PAPPA2: variants seen among roughly 807,000 people sequenced by gnomAD.
The protein encoded by PAPPA2 is pappalysin 2, also known as pappalysin-2.
PAPPA2 carries 86 observed loss-of-function variants against 176.4 expected under a neutral mutation model. The ratio of observed to expected loss-of-function variants is 0.49; its 90% CI spans 0.41 to 0.58. The LOEUF (loss-of-function observed/expected upper bound fraction) is 0.58. Ranked by LOEUF, PAPPA2 falls within the 20% of genes least tolerant of loss-of-function variation. The pLI is 0.00. For synonymous variants in PAPPA2, 809 were observed against 852.2 expected, an observed-to-expected ratio of 0.95 and a Z score of 0.88; for missense variants, 2,073 against 2,256.9, an observed-to-expected ratio of 0.92 and a Z score of 1.65.
chr1:176,489,004 T>G (rs1652776102), intron 1 of PAPPA2, among the ~76,000 whole-genome samples: 1 of 152,146 alleles, frequency 6.6e-6, no homozygotes, highest in Non-Finnish European at 1.5e-5. Flanking sequence ...TATAATAAGG[T>G]TGGGGTACAT....
intron 12 of PAPPA2, among the ~76,000 whole-genome samples, chr1:176,724,342 G>A (rs1158222296): frequency 2.0e-5 from 3 of 152,042 alleles, no homozygotes; most frequent in Non-Finnish European, 2.9e-5. Context: ...AGAAACAGAA[G>A]GCATAATTCT....
chr1:176,655,028 G>T lies in PAPPA2; in HGVS notation c.1992-15942G>T, dbSNP rs573256475. Among the ~76,000 whole-genome samples the T allele has an allele frequency of 1.4e-3, 219 of 151,802 alleles. 1 individual carries two copies. The highest frequency in any genetic ancestry group is 5.0e-3 in the African/African-American group (209 of 41,468). The stretch of plus-strand genomic sequence containing the variant: ...TGTCATTAGTAAGCAGAGATAATTT[G>T]ACCTCTTCTTTTCTAATTTAGATGC... On this transcript the variant is annotated intron_variant, in intron 3 of 22. Coordinates refer to ENST00000367662, the MANE Select transcript of PAPPA2 (RefSeq NM_020318.3).
intron 3 of PAPPA2, among the ~76,000 whole-genome samples, chr1:176,662,275 A>AT (rs1182826171): frequency 6.6e-6 from 1 of 152,186 alleles, no homozygotes; most frequent in East Asian, 1.9e-4. Context: ...TAAAGTTGTT[A>AT]TGAGATTTAC....
chr1:176,800,231 T>C, intron 21 of PAPPA2, 99 bp downstream of exon 21: 1 of 1,110,400 alleles, frequency 9.0e-7, no homozygotes, highest in Non-Finnish European at 1.3e-6. Flanking sequence ...GTCCCTCTCC[T>C]ATTCCTCTGT....
chr1:176,687,616 A>C (rs963861460), intron 4 of PAPPA2, among the ~76,000 whole-genome samples: 4 of 152,094 alleles, frequency 2.6e-5, no homozygotes, highest in African/African-American at 9.7e-5. Context: ...CTTTTCATCT[A>C]TATTTTCTTT....
At chr1:176,825,374 G>C (rs1314710867) in intron 21 of PAPPA2, among the ~76,000 whole-genome samples, 6 of 152,262 alleles carry the variant, frequency 3.9e-5, no homozygotes, top group Non-Finnish European at 8.8e-5. Flanking sequence ...TCCAAATGTG[G>C]TTCATAAAGT....
intron 1 of PAPPA2, among the ~76,000 whole-genome samples, chr1:176,475,684 C>T (rs1487476543): frequency 6.6e-6 from 1 of 152,138 alleles, no homozygotes; most frequent in Non-Finnish European, 1.5e-5. Context: ...CTTGACTGGG[C>T]CAAGAAAATA....
chr1:176,765,515 A>C, intron 14 of PAPPA2, 151 bp from the exon 15 acceptor site: 1 of 678,830 alleles, frequency 1.5e-6, no homozygotes, highest in Non-Finnish European at 2.5e-6. Flanking sequence ...GGTGTTGGGT[A>C]GTAGAGAAAA....
rs558719195 is a variant in PAPPA2, at chr1:176,695,858, G to C, written c.2745G>C (p.Val915=). ...GTTATTGGACCCCAGAGGAGGCTGT[G>C]GGTAAAGTACCATGACATTTTTTCT... ...SSGYWTPEEA[V]GPPDVDQPCE... The change falls in exon 7 of 23, where the codon GTG becomes GTC. Residue 915 remains valine (V), a splice_region_variant and synonymous_variant. Coordinates refer to ENST00000367662, the MANE Select transcript of PAPPA2 (RefSeq NM_020318.3). 2 of 1,613,822 alleles carry C rather than the reference G, an allele frequency of 1.2e-6. No homozygotes were observed. Among genetic ancestry groups the C allele is most frequent in the Non-Finnish European group, 1.7e-6 (2 of 1,179,970 alleles).
intron 1 of PAPPA2, among the ~76,000 whole-genome samples, chr1:176,519,269 A>T (rs959368945): frequency 1.3e-5 from 2 of 152,208 alleles, no homozygotes; most frequent in African/African-American, 4.8e-5. Context: ...GTGCAGTAGT[A>T]GTAGTGTGCA....
intron 12 of PAPPA2, among the ~76,000 whole-genome samples, chr1:176,713,024 T>C (rs1393975739): frequency 6.6e-6 from 1 of 152,242 alleles, no homozygotes; most frequent in African/African-American, 2.4e-5. Context: ...GTCTGTCATT[T>C]TCTTCATAAT....
intron 20 of PAPPA2, among the ~76,000 whole-genome samples, chr1:176,795,411 AG>A (rs1275861477): frequency 6.6e-6 from 1 of 152,134 alleles, no homozygotes; most frequent in Non-Finnish European, 1.5e-5. Flanking sequence ...TCTCAAAGAA[AG>A]CCTTTTTGTT....
intron 21 of PAPPA2, among the ~76,000 whole-genome samples, chr1:176,816,197 T>TATATAC (rs1557889344): frequency 1.1e-5 from 1 of 89,204 alleles, no homozygotes; most frequent in African/African-American, 4.3e-5. Context: ...TATATATATA[T>TATATAC]GTACACATAC....
chr1:176,560,225 T>A (rs1028180684), intron 2 of PAPPA2, among the ~76,000 whole-genome samples: 2 of 152,222 alleles, frequency 1.3e-5, no homozygotes, highest in African/African-American at 2.4e-5. Flanking sequence ...TGTGACTAAC[T>A]TGCACTTTAG....
chr1:176,791,257 G>C, intron 18 of PAPPA2, 90 bp from the exon 19 acceptor site: 2 of 1,011,532 alleles, frequency 2.0e-6, no homozygotes, highest in Non-Finnish European at 2.7e-6. Context: ...TCTAGAACTG[G>C]AGAATACTAC....
At chr1:176,697,404 T>C (rs1660436928) in intron 7 of PAPPA2, among the ~76,000 whole-genome samples, 1 of 152,188 alleles carries the variant, frequency 6.6e-6, no homozygotes, top group South Asian at 2.1e-4. Context: ...CATTAATTTA[T>C]AAATCATTAA....
In PAPPA2 at chr1:176,649,693, G is replaced by A. The variant is rs953930554; in HGVS notation, c.1992-21277G>A. 4.6e-5 allele frequency among the ~76,000 whole-genome samples: 7 copies of A among 151,292 alleles called. No individual in the cohort carries two copies. The East Asian group carries it at 5.9e-4, about 13-fold the overall frequency. ...CTCAGAAACATGTTGTTTAATTTCC[G>A]TGTGTTTGTGTTTTCTGACATTCCT... On this transcript the variant is annotated intron_variant, in intron 3 of 22. Transcript: ENST00000367662.
At chr1:176,613,316 CAG>C (rs1388197126) in intron 3 of PAPPA2, among the ~76,000 whole-genome samples, 2 of 152,228 alleles carry the variant, frequency 1.3e-5, no homozygotes, top group African/African-American at 4.8e-5. Flanking sequence ...CACTCAGATT[CAG>C]AGTTACAGAA....
intron 1 of PAPPA2, among the ~76,000 whole-genome samples, chr1:176,506,980 C>T (rs1473780232): frequency 6.6e-6 from 1 of 152,008 alleles, no homozygotes; most frequent in African/African-American, 2.4e-5. Flanking sequence ...GCAAAAGAAA[C>T]TATCAATAGA....
Sources: gnomAD v4.1 joint callset for allele counts (sites outside exome capture counted in the v4.1 genomes callset) on GRCh38, gnomAD v4.1.1 for gene constraint, MANE v1.5 for transcripts, NCBI Gene and HGNC (gene_info 2026-07-23, HGNC 2026-07-21) for gene names.